Variants in KHDRBS2 observed in about 807,000 individuals in gnomAD.
KHDRBS2 encodes KH domain-containing, RNA-binding, signal transduction-associated protein 2.
In KHDRBS2, 26 loss-of-function variants were observed where a neutral mutation model predicts 44.3. The ratio of observed to expected loss-of-function variants is 0.59; its 90% CI spans 0.43 to 0.81. KHDRBS2 has a LOEUF of 0.81. Among genes scored for constraint, KHDRBS2 ranks in the 40% least tolerant of loss-of-function variants. The pLI is 0.00. For missense variants in KHDRBS2, 476 were observed against 433.1 expected (o/e 1.10, Z -0.88); for synonymous variants, 194 against 151.1 (o/e 1.28, Z -2.08).
intron 1 of KHDRBS2, among the ~76,000 whole-genome samples, chr6:62,282,045 AG>A (rs1473676460): frequency 1.3e-5 from 2 of 152,206 alleles, no homozygotes; most frequent in Admixed American, 6.5e-5. Flanking sequence ...AAAGAGTCAC[AG>A]GAACACTATT....
At chr6:62,109,338 A>C (rs1306509144) in intron 2 of KHDRBS2, among the ~76,000 whole-genome samples, 1 of 152,068 alleles carries the variant, frequency 6.6e-6, no homozygotes, top group African/African-American at 2.4e-5. Flanking sequence ...AGAAAAAATG[A>C]AAATTCCTTA....
chr6:61,631,305 CAAAAAAAAAAAA>C, the KHDRBS2 span, among the ~76,000 whole-genome samples: 6 of 66,990 alleles, frequency 9.0e-5, no homozygotes, highest in South Asian at 8.6e-4. Context: ...ACGAATAAGC[CAAAAAAAAAAAA>C]AAAAAAAAAA....
intron 6 of KHDRBS2, among the ~76,000 whole-genome samples, chr6:61,890,917 C>T (rs909879893): frequency 1.3e-5 from 2 of 152,146 alleles, no homozygotes; most frequent in Admixed American, 1.3e-4. Flanking sequence ...GAACACATTT[C>T]ACCTGTTCAA....
intron 6 of KHDRBS2, among the ~76,000 whole-genome samples, chr6:61,796,632 G>C (rs961569458): frequency 6.6e-6 from 1 of 151,376 alleles, no homozygotes; most frequent in Non-Finnish European, 1.5e-5. Flanking sequence ...AATGACAAAA[G>C]AATCTACACA....
the KHDRBS2 span, among the ~76,000 whole-genome samples, chr6:61,604,840 C>A: frequency 6.6e-6 from 1 of 152,140 alleles, no homozygotes; most frequent in Non-Finnish European, 1.5e-5. Flanking sequence ...AAAAGGCCAC[C>A]ATGGTCATTT....
At chr6:62,265,808 T>C (rs1839114632) in intron 1 of KHDRBS2, among the ~76,000 whole-genome samples, 1 of 152,052 alleles carries the variant, frequency 6.6e-6, no homozygotes, top group Admixed American at 6.6e-5. Context: ...GAAAAGATTG[T>C]CACTCCCAAA....
intron 7 of KHDRBS2, among the ~76,000 whole-genome samples, chr6:61,729,740 T>C (rs1774147910): frequency 6.6e-6 from 1 of 152,184 alleles, no homozygotes; most frequent in African/African-American, 2.4e-5. Flanking sequence ...TTGTATATCT[T>C]CTTTGGTGAA....
At chr6:61,605,860 C>T in the KHDRBS2 span, among the ~76,000 whole-genome samples, 1 of 152,116 alleles carries the variant, frequency 6.6e-6, no homozygotes, top group African/African-American at 2.4e-5. Flanking sequence ...CCATCATATC[C>T]CCTGTGACTT....
chr6:61,633,190 A>T, the KHDRBS2 span, among the ~76,000 whole-genome samples: 5 of 152,082 alleles, frequency 3.3e-5, no homozygotes, highest in African/African-American at 1.2e-4. Flanking sequence ...AACTGTTTCC[A>T]AACTTACTTG....
rs1583185379 is a variant in KHDRBS2, at chr6:61,855,459, G to A, written c.810+39176C>T. 2.0e-5 allele frequency among the ~76,000 whole-genome samples: 3 copies of A among 148,702 alleles called. No homozygotes were observed. The South Asian group carries it at 6.5e-4, about 32-fold the overall frequency. On this transcript the variant is annotated intron_variant, in intron 6 of 8. Coordinates refer to ENST00000281156, the MANE Select transcript of KHDRBS2 (RefSeq NM_152688.4). ...ATAGGTGCCTCCTAGGTTTCTTTGA[G>A]AATGAACTAATTTTAGATGTGTGTG...
At chr6:61,841,678 G>A (rs1793627120) in intron 6 of KHDRBS2, among the ~76,000 whole-genome samples, 1 of 152,120 alleles carries the variant, frequency 6.6e-6, no homozygotes, top group African/African-American at 2.4e-5. Flanking sequence ...ATCTTCCTGG[G>A]CACGGTATGA....
intron 1 of KHDRBS2, among the ~76,000 whole-genome samples, chr6:62,245,651 G>C (rs2150170743): frequency 6.6e-6 from 1 of 152,142 alleles, no homozygotes; most frequent in South Asian, 2.1e-4. Context: ...CAGTTTATAG[G>C]AATATGAGTG....
intron 4 of KHDRBS2, among the ~76,000 whole-genome samples, chr6:61,912,474 C>T (rs748723799): frequency 9.9e-5 from 15 of 152,108 alleles, no homozygotes; most frequent in Non-Finnish European, 1.6e-4. Flanking sequence ...ATTGTATTTG[C>T]CTGTCTTTGA....
chr6:62,268,725 T>G (rs1839604847), intron 1 of KHDRBS2, among the ~76,000 whole-genome samples: 1 of 152,096 alleles, frequency 6.6e-6, no homozygotes, highest in Admixed American at 6.6e-5. Flanking sequence ...AGAGCCTACT[T>G]TGCTACTCAG....
chr6:61,696,064 T>C (rs1300929838), intron 8 of KHDRBS2, among the ~76,000 whole-genome samples: 1 of 151,772 alleles, frequency 6.6e-6, no homozygotes, highest in Non-Finnish European at 1.5e-5. Flanking sequence ...CAATTATGGC[T>C]TCAAACTTTT....
chr6:61,981,914 A>G (rs1583944960), intron 3 of KHDRBS2, among the ~76,000 whole-genome samples: 1 of 152,256 alleles, frequency 6.6e-6, no homozygotes, highest in East Asian at 1.9e-4. Context: ...AATAACCTTG[A>G]TCTCCCTGAT....
At chr6:61,781,870 A>C (rs779106906) in intron 6 of KHDRBS2, among the ~76,000 whole-genome samples, 7 of 152,172 alleles carry the variant, frequency 4.6e-5, no homozygotes, top group Non-Finnish European at 8.8e-5. Flanking sequence ...TTTGCATGAC[A>C]GAAAGAGAAA....
intron 2 of KHDRBS2, among the ~76,000 whole-genome samples, chr6:62,087,365 G>C (rs575528026): frequency 1.3e-5 from 2 of 151,640 alleles, no homozygotes; most frequent in African/African-American, 4.8e-5. Context: ...TAAAAAATTA[G>C]ATTTTAAAAC....
rs775711954 is a variant in KHDRBS2, at chr6:62,183,900, G to T, written c.92-6588C>A. Among the ~76,000 whole-genome samples the T allele has an allele frequency of 5.9e-5, 9 of 151,672 alleles. No homozygotes were observed. In the South Asian group the frequency reaches 8.3e-4, roughly 14 times the overall value. On this transcript the variant is annotated intron_variant, in intron 1 of 8. Coordinates refer to ENST00000281156, the MANE Select transcript of KHDRBS2 (RefSeq NM_152688.4). The stretch of plus-strand genomic sequence containing the variant: ...AAGGAACTTTAACTATTTTACAAAT[G>T]ATACTTAACTACCTGGTAATTAAAA...
Sources: allele counts gnomAD v4.1 joint callset (sites outside exome capture counted in the v4.1 genomes callset), GRCh38; gene constraint gnomAD v4.1.1; transcripts MANE v1.5; gene names NCBI Gene and HGNC (gene_info 2026-07-23, HGNC 2026-07-21).